Variants in LILRB1 observed in about 807,000 individuals in gnomAD.
The protein encoded by LILRB1 is leukocyte immunoglobulin like receptor B1.
Under a neutral mutation model 74.6 loss-of-function variants are expected in LILRB1, and 59 were observed. The observed-to-expected ratio is 0.79, with a 90% confidence interval of 0.64 to 0.98. The LOEUF is 0.98. LILRB1 is among the 50% of genes least tolerant of loss of function. The pLI is 0.00. For missense variants in LILRB1, 804 were observed against 822.6 expected (o/e 0.98, Z 0.28); for synonymous variants, 328 against 333.9 (o/e 0.98, Z 0.19).
intron 8 of LILRB1, 38 bp from the exon 9 acceptor site, chr19:54,633,933 A>T (rs774742112): frequency 6.4e-7 from 1 of 1,568,458 alleles, no homozygotes; most frequent in East Asian, 2.3e-5. Flanking sequence ...TGTGGGGAGC[A>T]GGGCAGCCCC....
intron 1 of LILRB1, among the ~76,000 whole-genome samples, chr19:54,618,072 G>A (rs969048973): frequency 2.1e-5 from 3 of 142,052 alleles, no homozygotes; most frequent in Non-Finnish European, 4.5e-5. Context: ...CTGCATTCCA[G>A]TCTGGGTGAC....
rs1184230140 is a variant in LILRB1 at position 54,631,051 on chromosome 19, G to A, written c.-23G>A. The A allele has an allele frequency of 3.1e-6, 5 of 1,614,244 alleles. No homozygotes were observed. In the South Asian group the frequency reaches 5.5e-5, roughly 18 times the overall value. ...CACCGAGGGCTCATCCATCCACAGA[G>A]CAGGGCAGTGGGAGGAGACGCCATG... is the stretch of plus-strand genomic sequence containing the variant. On this transcript the variant is annotated 5_prime_UTR_variant, in exon 2 of 15. Coordinates refer to ENST00000324602, the MANE Select transcript of LILRB1 (RefSeq NM_001081637.3).
In LILRB1 at chr19:54,634,778, G is replaced by A; in HGVS notation, c.1486+15G>A. ...CTGGACATCGAGTGAGTAGGGAATG[G>A]GGGGACCCTGAGGGCTGACCGAGGG... On this transcript the variant is annotated intron_variant, in intron 10 of 14. Coordinates refer to ENST00000324602, the MANE Select transcript of LILRB1 (RefSeq NM_001081637.3). The A allele has an allele frequency of 6.2e-7, 1 of 1,613,108 alleles. No individual in the cohort carries two copies. Among genetic ancestry groups the A allele is most frequent in the Non-Finnish European group, 8.5e-7 (1 of 1,179,578 alleles).
chr19:54,631,546 C>G lies in LILRB1; in HGVS notation c.117C>G (p.Ile39Met), dbSNP rs369505745. The G allele has an allele frequency of 1.9e-6, 3 of 1,614,056 alleles. No individual in the cohort carries two copies. Among genetic ancestry groups the G allele is most frequent in the Non-Finnish European group, 2.5e-6 (3 of 1,179,950 alleles). The change falls in exon 4 of 15, where the codon ATC becomes ATG. Residue 39 changes from isoleucine to methionine, a missense_variant. Physicochemically the swap from Ile to Met is conservative, Grantham distance 10. Transcript: ENST00000324602. The stretch of plus-strand genomic sequence containing the variant: ...TCTGGGCTGAACCAGGCTCTGTGAT[C>G]ACCCAGGGGAGTCCTGTGACCCTCA... ...PTLWAEPGSV[I>M]TQGSPVTLRC...
chr19:54,618,753 A>G (rs1568560981), intron 1 of LILRB1, among the ~76,000 whole-genome samples: 1 of 152,154 alleles, frequency 6.6e-6, no homozygotes, highest in East Asian at 1.9e-4. Context: ...GTTAAAAAAA[A>G]TAACTTTATA....
intron 1 of LILRB1, among the ~76,000 whole-genome samples, chr19:54,620,207 T>A (rs1404393304): frequency 6.6e-6 from 1 of 152,070 alleles, no homozygotes; most frequent in African/African-American, 2.4e-5. Flanking sequence ...AAGAAGATAG[T>A]TGATATAGAG....
intron 13 of LILRB1, chr19:54,635,939 C>G (rs1386719184): frequency 6.8e-6 from 4 of 590,716 alleles, no homozygotes; most frequent in Admixed American, 4.4e-5. Context: ...CAAGTGTTCC[C>G]AGGGAGCTCA....
chr19:54,635,689 C>T (rs1405180476), intron 13 of LILRB1, 80 bp downstream of exon 13: 1 of 1,505,318 alleles, frequency 6.6e-7, no homozygotes, highest in Middle Eastern at 2.1e-4. Flanking sequence ...TGTCCTCCTT[C>T]CCCCGGCTCT....
intron 6 of LILRB1, 88 bp downstream of exon 6, chr19:54,632,848 A>T: frequency 8.0e-7 from 1 of 1,245,054 alleles, no homozygotes; most frequent in Non-Finnish European, 1.1e-6. Flanking sequence ...GGGATGAGGG[A>T]TGGGGGTCCC....
Position 54,635,175 on chromosome 19 carries a change from T to A in LILRB1, c.1558T>A (p.Trp520Arg). The A allele has an allele frequency of 6.3e-7, 1 of 1,595,534 alleles. No individual in the cohort carries two copies. Among genetic ancestry groups the A allele is most frequent in the Non-Finnish European group, 8.6e-7 (1 of 1,166,662 alleles). Residue 520 changes from tryptophan (W) to arginine (R), a missense_variant, in exon 11 of 15, where the codon TGG becomes AGG. Trp to Arg is a moderately radical substitution (Grantham distance 101, BLOSUM62 -3). Coordinates refer to ENST00000324602, the MANE Select transcript of LILRB1 (RefSeq NM_001081637.3). The part of the protein sequence containing the change: ...GPEPTDRGLQ[W>R]RSSPAADAQE... ...AGAGCCCACAGACAGAGGCCTGCAG[T>A]GGAGGTAATTCTGCCCGAAGACCCC...
upstream of LILRB1, among the ~76,000 whole-genome samples, chr19:54,628,162 G>A (rs2063648937): frequency 6.6e-6 from 1 of 152,204 alleles, no homozygotes; most frequent in South Asian, 2.1e-4. Context: ...AAGGAAGGAG[G>A]AAGTAACTTG....
Position 54,630,512 on chromosome 19 carries a change from C to G in LILRB1, c.-170C>G, listed in dbSNP as rs528208579. The G allele has an allele frequency of 6.1e-6, 3 of 492,752 alleles. No individual in the cohort carries two copies. The highest frequency in any genetic ancestry group is 2.3e-5 in the Admixed American group (1 of 42,714). 30.5% of individuals were successfully genotyped at this position (492,752 alleles called of 1,614,324 possible). On this transcript the variant is annotated 5_prime_UTR_variant, in exon 1 of 15. Transcript: ENST00000324602. ...TTTCTCTTCTGTGCTCACTGCCACACGCAGCTCAGCCTGGGCGGCACAGCC... is the reference window on the plus strand; with the variant it reads ...TTTCTCTTCTGTGCTCACTGCCACAGGCAGCTCAGCCTGGGCGGCACAGCC...
chr19:54,623,399 G>C (rs998278653), intron 1 of LILRB1, among the ~76,000 whole-genome samples: 2 of 152,164 alleles, frequency 1.3e-5, no homozygotes, highest in African/African-American at 2.4e-5. Flanking sequence ...GAAGTTGTAT[G>C]TGTCTAGGAA....
chr19:54,631,563 T>G lies in LILRB1; in HGVS notation c.134T>G (p.Val45Gly), dbSNP rs1243499019. The G allele has an allele frequency of 1.2e-6, 2 of 1,614,234 alleles. No homozygotes were observed. The highest frequency in any genetic ancestry group is 1.7e-6 in the Non-Finnish European group (2 of 1,180,022). ...PGSVITQGSP[V>G]TLRCQGGQET... The stretch of plus-strand genomic sequence containing the variant: ...TCTGTGATCACCCAGGGGAGTCCTG[T>G]GACCCTCAGGTGTCAGGGGGGCCAG... The change falls in exon 4 of 15, where the codon GTG becomes GGG. Residue 45 changes from valine (V) to glycine (G), a missense_variant. Transcript: ENST00000324602.
In LILRB1 at chr19:54,637,971, A is replaced by ATG. The variant is rs1003937312; in HGVS notation, c.*1106_*1107dup. The stretch of plus-strand genomic sequence containing the variant: ...TAGATGTGTGTGTGTGTGTATATAT[A>ATG]TGTGTGTGTGTGTGAAAAACATTGA... On this transcript the variant is annotated 3_prime_UTR_variant, in exon 15 of 15. Coordinates refer to ENST00000324602, the MANE Select transcript of LILRB1 (RefSeq NM_001081637.3). 3.5e-4 allele frequency among the ~76,000 whole-genome samples: 53 copies of ATG among 152,108 alleles called. No individual in the cohort carries two copies. The highest frequency in any genetic ancestry group is 3.4e-3 in the Middle Eastern group (1 of 294).
intron 5 of LILRB1, 66 bp downstream of exon 5, chr19:54,632,303 T>A: frequency 6.4e-7 from 1 of 1,571,508 alleles, no homozygotes; most frequent in Non-Finnish European, 8.6e-7. Flanking sequence ...CAGCCGCGTC[T>A]CAGGGCAGTT....
chr19:54,636,520 G>C lies in LILRB1; in HGVS notation c.1680G>C (p.Gln560His), dbSNP rs200167361. The C allele has an allele frequency of 2.1e-3, 3,325 of 1,608,770 alleles. 2 individuals carry two copies. The highest frequency in any genetic ancestry group is 2.4e-3 in the Non-Finnish European group (2,885 of 1,179,544). ...AGAGCCCACACGATGAAGACCCCCA[G>C]GCAGTGACGTATGCCGAGGTGAAAC... ...TRQSPHDEDPQAVTYAEVKHS... is the reference protein window; with the variant it reads ...TRQSPHDEDPHAVTYAEVKHS... The change falls in exon 14 of 15, where the codon CAG (glutamine) becomes CAC (histidine). Residue 560 changes from glutamine (Q) to histidine (H), a missense_variant. Gln to His is a conservative substitution (Grantham distance 24). Transcript: ENST00000324602.
At chr19:54,628,516 A>G (rs1239924705), upstream of LILRB1, among the ~76,000 whole-genome samples, 1 of 152,084 alleles carries the variant, frequency 6.6e-6, no homozygotes, top group Non-Finnish European at 1.5e-5. Context: ...GGTTTGATTA[A>G]TTTGCTGTAG....
chr19:54,626,793 G>A (rs960857351), upstream of LILRB1, among the ~76,000 whole-genome samples: 1 of 152,178 alleles, frequency 6.6e-6, no homozygotes, highest in African/African-American at 2.4e-5. Flanking sequence ...GGCTGACTCA[G>A]GAAGGAAAGC....
Sources: allele counts gnomAD v4.1 joint callset (sites outside exome capture counted in the v4.1 genomes callset), GRCh38; gene constraint gnomAD v4.1.1; transcripts MANE v1.5; gene names NCBI Gene and HGNC (gene_info 2026-07-23, HGNC 2026-07-21).